Variants in HS3ST5 observed in about 807,000 individuals in gnomAD.
HS3ST5 encodes the protein heparan sulfate glucosamine 3-O-sulfotransferase 5.
Under a neutral mutation model 25.4 loss-of-function variants are expected in HS3ST5, and 10 were observed. The ratio of observed to expected loss-of-function variants is 0.39; its 90% confidence interval spans 0.24 to 0.67. The LOEUF (loss-of-function observed/expected upper bound fraction) is 0.67, where lower values mean the gene tolerates loss of function less well. Ranked by LOEUF, HS3ST5 falls within the 30% of genes least tolerant of loss-of-function variation. The probability of loss-of-function intolerance (pLI) is 0.44; values close to 1 mark genes in which losing one functional copy is unlikely to be tolerated. For missense variants in HS3ST5, 324 were observed against 420.7 expected (o/e 0.77, Z 2.01); for synonymous variants, 170 against 162.4 (o/e 1.05, Z -0.36).
intron 1 of HS3ST5, among the ~76,000 whole-genome samples, chr6:114,319,860 T>G (rs116322537): frequency 0.013 from 1,922 of 152,186 alleles, 48 homozygotes; most frequent in African/African-American, 0.044. Flanking sequence ...ATACTATTTT[T>G]TTGTTGTTGT....
intron 1 of HS3ST5, among the ~76,000 whole-genome samples, chr6:114,341,338 G>A (rs1776861194): frequency 6.6e-6 from 1 of 151,808 alleles, no homozygotes; most frequent in Admixed American, 6.6e-5. Flanking sequence ...CTGAAGCACT[G>A]AAGTAGGGAA....
At chr6:114,190,804 T>C (rs1473584186) in intron 2 of HS3ST5, among the ~76,000 whole-genome samples, 1 of 152,206 alleles carries the variant, frequency 6.6e-6, no homozygotes, top group Non-Finnish European at 1.5e-5. Flanking sequence ...TTTTAGAACT[T>C]CGCTATTGTG....
intron 2 of HS3ST5, among the ~76,000 whole-genome samples, chr6:114,200,326 G>A (rs1336169673): frequency 6.6e-6 from 1 of 152,166 alleles, no homozygotes; most frequent in African/African-American, 2.4e-5. Context: ...TGTGACAAAA[G>A]GTGTTAGCAA....
intron 2 of HS3ST5, among the ~76,000 whole-genome samples, chr6:114,194,400 G>A (rs1309493867): frequency 1.3e-5 from 2 of 152,176 alleles, no homozygotes; most frequent in Non-Finnish European, 2.9e-5. Flanking sequence ...ATGACAGGAT[G>A]GGAGGTCGGA....
intron 3 of HS3ST5, among the ~76,000 whole-genome samples, chr6:114,156,386 G>A (rs142464078): frequency 1.7e-3 from 258 of 152,318 alleles, no homozygotes; most frequent in African/African-American, 5.9e-3. Context: ...AAAGGTAAAT[G>A]TCAAAACAGT....
chr6:114,292,091 T>C lies in HS3ST5; in HGVS notation c.-339+50104A>G, dbSNP rs144005259. On this transcript the variant is annotated intron_variant, in intron 1 of 4. Coordinates refer to ENST00000312719, the MANE Select transcript of HS3ST5 (RefSeq NM_153612.4). ...TAACATTTAAAGGGAATAAAGACAT[T>C]GTTTAATTGTTAGTAAGTTTCATAA... Among the ~76,000 whole-genome samples, 70 of 133,348 alleles carry C rather than the reference T, an allele frequency of 5.2e-4. 1 individual carries two copies. Among genetic ancestry groups the C allele is most frequent in the African/African-American group, 1.7e-3 (66 of 39,426 alleles). The allele number at this position is 133,348 out of a possible 152,430, so 87.5% of individuals were successfully genotyped here.
At chr6:114,066,532 C>T (rs1355081594) in intron 3 of HS3ST5, among the ~76,000 whole-genome samples, 1 of 152,060 alleles carries the variant, frequency 6.6e-6, no homozygotes, top group African/African-American at 2.4e-5. Flanking sequence ...ACTCTGGAGG[C>T]TGAGGTGGGA....
chr6:114,312,602 TGA>T (rs1301934696), intron 1 of HS3ST5, among the ~76,000 whole-genome samples: 2 of 152,054 alleles, frequency 1.3e-5, no homozygotes, highest in African/African-American at 4.8e-5. Flanking sequence ...TGTTACAGAC[TGA>T]GAGAAAATAT....
At chr6:114,198,574 TACACATC>T in intron 2 of HS3ST5, among the ~76,000 whole-genome samples, 1 of 152,224 alleles carries the variant, frequency 6.6e-6, no homozygotes, top group South Asian at 2.1e-4. Context: ...CCTTCTGTTC[TACACATC>T]GGCAGAGCTG....
intron 2 of HS3ST5, among the ~76,000 whole-genome samples, chr6:114,222,605 T>G (rs75603157): frequency 6.6e-6 from 1 of 151,850 alleles, no homozygotes; most frequent in Non-Finnish European, 1.5e-5. Flanking sequence ...TTTGGCTATG[T>G]TGATGACGCA....
At chr6:114,310,561 T>C (rs1301807512) in intron 1 of HS3ST5, among the ~76,000 whole-genome samples, 1 of 152,066 alleles carries the variant, frequency 6.6e-6, no homozygotes, top group African/African-American at 2.4e-5. Flanking sequence ...CTAGGAAGTC[T>C]TTTATTTTTT....
chr6:114,327,359 G>T (rs1462903915), intron 1 of HS3ST5, among the ~76,000 whole-genome samples: 1 of 152,088 alleles, frequency 6.6e-6, no homozygotes, highest in Non-Finnish European at 1.5e-5. Flanking sequence ...TGGGAGGGAG[G>T]AAGAAAAGAC....
chr6:114,253,069 G>C (rs1448116423), intron 1 of HS3ST5, among the ~76,000 whole-genome samples: 5 of 152,062 alleles, frequency 3.3e-5, no homozygotes, highest in Non-Finnish European at 7.4e-5. Flanking sequence ...TATGTCTGTA[G>C]TCCCAGCTAC....
At chr6:114,159,310 T>G (rs1370415886) in intron 3 of HS3ST5, among the ~76,000 whole-genome samples, 1 of 152,186 alleles carries the variant, frequency 6.6e-6, no homozygotes, top group Non-Finnish European at 1.5e-5. Context: ...AGTAGCATTT[T>G]TTTCAATAAC....
chr6:114,157,033 T>C (rs1360871659), intron 3 of HS3ST5, among the ~76,000 whole-genome samples: 4 of 152,192 alleles, frequency 2.6e-5, no homozygotes, highest in Non-Finnish European at 5.9e-5. Context: ...AGTTAGATAA[T>C]AACAGGCACT....
In HS3ST5 at chr6:114,181,880, G is replaced by A. The variant is rs1438083424; in HGVS notation, c.-144-13418C>T. ...GGAACTTAGGGAAGTGTGTGTATGT[G>A]AGTATGTGTGTGTGTGTGTGTGTGT... On this transcript the variant is annotated intron_variant, in intron 2 of 4. Transcript: ENST00000312719. Among the ~76,000 whole-genome samples the A allele has an allele frequency of 2.4e-5, 3 of 126,180 alleles. No individual in the cohort carries two copies. In the Admixed American group the frequency reaches 2.6e-4, roughly 11 times the overall value. 82.8% of individuals were successfully genotyped at this position (126,180 alleles called of 152,430 possible).
At chr6:114,076,349 T>A (rs1016380490) in intron 3 of HS3ST5, among the ~76,000 whole-genome samples, 2 of 152,194 alleles carry the variant, frequency 1.3e-5, no homozygotes, top group Non-Finnish European at 2.9e-5. Flanking sequence ...AAAAAATGAA[T>A]GTTCTTATAA....
chr6:114,236,164 C>G lies in HS3ST5; in HGVS notation c.-338-7386G>C, dbSNP rs61362321. On this transcript the variant is annotated intron_variant, in intron 1 of 4. Transcript: ENST00000312719. ...CCCTGATCTTCCTCACTCTGTGGTC[C>G]TACTATGGGCATTTTTTTCAGGTCT... Among the ~76,000 whole-genome samples, 1,240 of 152,236 alleles carry G rather than the reference C, an allele frequency of 8.1e-3. 15 individuals carry two copies. Among genetic ancestry groups the G allele is most frequent in the African/African-American group, 0.028 (1,182 of 41,520 alleles).
intron 3 of HS3ST5, among the ~76,000 whole-genome samples, chr6:114,104,560 T>G (rs949845177): frequency 3.3e-5 from 5 of 152,202 alleles, no homozygotes; most frequent in African/African-American, 1.2e-4. Flanking sequence ...TGGACAGAGC[T>G]GATTTTATTC....
Sources: allele counts gnomAD v4.1 joint callset (sites outside exome capture counted in the v4.1 genomes callset), GRCh38; gene constraint gnomAD v4.1.1; transcripts MANE v1.5; gene names NCBI Gene and HGNC (gene_info 2026-07-23, HGNC 2026-07-21).